Variants in SEL1L2 observed in about 807,000 individuals in gnomAD.
SEL1L2 encodes SEL1L2 adaptor subunit of SYVN1 ubiquitin ligase.
SEL1L2 carries 89 observed loss-of-function variants against 98.8 expected under a neutral mutation model. The observed-to-expected ratio is 0.90, with a 90% CI of 0.76 to 1.07. SEL1L2 has a LOEUF of 1.07. Ranked by LOEUF, SEL1L2 falls within the 50% of genes least tolerant of loss-of-function variation. The pLI, the probability that SEL1L2 is intolerant of heterozygous loss-of-function variation, is 0.00. For missense variants in SEL1L2, 788 were observed against 812.0 expected, an observed-to-expected ratio of 0.97 and a Z score of 0.36; for synonymous variants, 262 against 278.5, an observed-to-expected ratio of 0.94 and a Z score of 0.59.
chr20:13,879,613 A>G (rs1043049839), intron 10 of SEL1L2, among the ~76,000 whole-genome samples: 1 of 152,072 alleles, frequency 6.6e-6, no homozygotes, highest in Non-Finnish European at 1.5e-5. Context: ...TCGACCTCCC[A>G]TAGTGCTGGG....
At chr20:13,929,641 C>T (rs1277797444) in intron 3 of SEL1L2, among the ~76,000 whole-genome samples, 1 of 151,530 alleles carries the variant, frequency 6.6e-6, no homozygotes, top group Non-Finnish European at 1.5e-5. Context: ...GCTTGGACTA[C>T]AGGCGCCTGC....
At chr20:13,952,933 G>A (rs967019140) in intron 2 of SEL1L2, among the ~76,000 whole-genome samples, 3 of 152,186 alleles carry the variant, frequency 2.0e-5, no homozygotes, top group Non-Finnish European at 4.4e-5. Context: ...GGAAGCTGAG[G>A]CGGGAGAATC....
chr20:13,916,917 G>T (rs1488172481), intron 4 of SEL1L2, among the ~76,000 whole-genome samples: 1 of 152,118 alleles, frequency 6.6e-6, no homozygotes, highest in Non-Finnish European at 1.5e-5. Context: ...AGGCATGAAG[G>T]TTCCCACACT....
intron 2 of SEL1L2, among the ~76,000 whole-genome samples, chr20:13,955,050 T>C (rs1314183493): frequency 1.3e-5 from 2 of 152,188 alleles, no homozygotes; most frequent in African/African-American, 4.8e-5. Context: ...CATTTAGATT[T>C]AAGATTTACT....
At chr20:13,974,956 A>G (rs1055573307) in intron 1 of SEL1L2, among the ~76,000 whole-genome samples, 14 of 152,108 alleles carry the variant, frequency 9.2e-5, no homozygotes, top group South Asian at 8.3e-4. Flanking sequence ...TTTTCTCCCT[A>G]AATCTCTCAA....
In SEL1L2 at chr20:13,939,040, G is replaced by GGTTTTTTTTTTTTTTTTTT; in HGVS notation, c.115-7270_115-7269insAAAAAAAAAAAAAAAAAAC. Among the ~76,000 whole-genome samples, 54 of 114,082 alleles carry GGTTTTTTTTTTTTTTTTTT rather than the reference G, an allele frequency of 4.7e-4. 12 individuals carry two copies. Among genetic ancestry groups the GGTTTTTTTTTTTTTTTTTT allele is most frequent in the Non-Finnish European group, 6.6e-4 (38 of 57,534 alleles). The allele number at this position is 114,082 out of a possible 152,430, so 74.8% of individuals were successfully genotyped here. Reference sequence around the variant, plus strand: ...TCTTTTTGGTTTGTTTGCTTGTTTTGTTTTTTTTTTTTTTTTTTTCTGAGA... The same window carrying GGTTTTTTTTTTTTTTTTTT: ...TCTTTTTGGTTTGTTTGCTTGTTTTGGTTTTTTTTTTTTTTTTTTTTTTTTTTTTTTTTTTTTTCTGAGA... On this transcript the variant is annotated intron_variant, in intron 2 of 19. Transcript: ENST00000284951.
intron 2 of SEL1L2, among the ~76,000 whole-genome samples, chr20:13,945,227 T>C (rs1320296997): frequency 1.3e-5 from 2 of 152,214 alleles, no homozygotes; most frequent in Non-Finnish European, 2.9e-5. Context: ...TTTTCATTAG[T>C]TTGGTGCTCA....
At chr20:13,887,670 G>C in intron 8 of SEL1L2, 99 bp downstream of exon 8, 2 of 760,584 alleles carry the variant, frequency 2.6e-6, no homozygotes, top group Non-Finnish European at 4.4e-6. Context: ...GTACACTTTT[G>C]ATATTTTCAT....
At chr20:13,860,735 C>T (rs182126052) in intron 17 of SEL1L2, among the ~76,000 whole-genome samples, 3 of 152,052 alleles carry the variant, frequency 2.0e-5, no homozygotes, top group Admixed American at 1.3e-4. Flanking sequence ...CTCTGGGTGA[C>T]CTTGTTTCGT....
intron 4 of SEL1L2, 70 bp downstream of exon 4, chr20:13,918,951 A>G: frequency 2.0e-6 from 2 of 1,019,816 alleles, no homozygotes; most frequent in Non-Finnish European, 3.0e-6. Flanking sequence ...ATGATAAACT[A>G]CATTTGGGAT....
intron 1 of SEL1L2, among the ~76,000 whole-genome samples, chr20:13,980,207 G>T (rs2051742643): frequency 6.6e-6 from 1 of 152,150 alleles, no homozygotes; most frequent in Non-Finnish European, 1.5e-5. Flanking sequence ...TGTTGGTGAG[G>T]ATGTGGAGAA....
At chr20:13,866,909 C>T in intron 14 of SEL1L2, 59 bp from the exon 15 acceptor site, 1 of 1,484,414 alleles carries the variant, frequency 6.7e-7, no homozygotes, top group East Asian at 2.5e-5. Flanking sequence ...ATATTATAAT[C>T]TATGGATATA....
intron 18 of SEL1L2, among the ~76,000 whole-genome samples, chr20:13,856,524 G>A (rs1187024485): frequency 6.6e-6 from 1 of 152,070 alleles, no homozygotes; most frequent in African/African-American, 2.4e-5. Flanking sequence ...GCATTATTCA[G>A]TGTTCTCAGA....
chr20:13,969,612 C>T (rs963274004), intron 1 of SEL1L2, among the ~76,000 whole-genome samples: 5 of 152,192 alleles, frequency 3.3e-5, no homozygotes, highest in Non-Finnish European at 5.9e-5. Context: ...ACACCCTGCT[C>T]TTATTGAAGT....
chr20:13,955,713 C>A lies in SEL1L2; in HGVS notation c.114+363G>T, dbSNP rs959566503. ...TGCAAAGACATCATAAGATTGATAA[C>A]GTTTAATAAGCATCTGTGACTTTAT... On this transcript the variant is annotated intron_variant, in intron 2 of 19. Transcript: ENST00000284951. Among the ~76,000 whole-genome samples, 3 of 152,104 alleles carry A rather than the reference C, an allele frequency of 2.0e-5. No individual in the cohort carries two copies. The East Asian group carries it at 5.8e-4, about 29-fold the overall frequency.
At chr20:13,901,065 TTC>T (rs2047650705) in intron 5 of SEL1L2, among the ~76,000 whole-genome samples, 1 of 145,886 alleles carries the variant, frequency 6.9e-6, no homozygotes, top group African/African-American at 2.5e-5. Context: ...TTCTTTTTCT[TTC>T]TTTCTTTCTT....
intron 4 of SEL1L2, chr20:13,915,087 A>G (rs1020285535): frequency 2.4e-6 from 3 of 1,268,890 alleles, no homozygotes; most frequent in Non-Finnish European, 3.1e-6. Context: ...AAAATCTACC[A>G]TTGCTTCTGA....
At chr20:13,887,651 AT>A in intron 8 of SEL1L2, 117 bp downstream of exon 8, 1 of 673,700 alleles carries the variant, frequency 1.5e-6, no homozygotes, top group South Asian at 1.9e-5. Flanking sequence ...ATTATAACAT[AT>A]TAAAAACGTA....
intron 10 of SEL1L2, among the ~76,000 whole-genome samples, chr20:13,881,931 C>T (rs1284621084): frequency 6.6e-6 from 1 of 152,060 alleles, no homozygotes; most frequent in Non-Finnish European, 1.5e-5. Context: ...TTTGAATGTT[C>T]TCACCCCAAA....
Sources: allele counts gnomAD v4.1 joint callset (sites outside exome capture counted in the v4.1 genomes callset), GRCh38; gene constraint gnomAD v4.1.1; transcripts MANE v1.5; gene names NCBI Gene and HGNC (gene_info 2026-07-23, HGNC 2026-07-21).